NRXN1: variants seen among roughly 807,000 people sequenced by gnomAD.
The protein encoded by NRXN1 is neurexin-1.
In NRXN1, 39 loss-of-function variants were observed where a neutral mutation model predicts 150.9. That is an observed-to-expected ratio of 0.26 (90% CI 0.20 to 0.34). NRXN1 has a LOEUF of 0.34. NRXN1 is among the 10% of genes least tolerant of loss of function. The probability of loss-of-function intolerance (pLI) is 1.00; values close to 1 mark genes in which losing one functional copy is unlikely to be tolerated. For missense variants in NRXN1, 1,815 were observed against 1,949.9 expected, an observed-to-expected ratio of 0.93 and a Z score of 1.30; for synonymous variants, 924 against 757.0, an observed-to-expected ratio of 1.22 and a Z score of -3.62.
At chr2:50,764,808 T>C (rs1382108422) in intron 5 of NRXN1, among the ~76,000 whole-genome samples, 1 of 152,026 alleles carries the variant, frequency 6.6e-6, no homozygotes, top group Non-Finnish European at 1.5e-5. Context: ...GACCACTAAA[T>C]TGCCAAAATG....
chr2:50,483,824 A>T (rs1411336320), intron 15 of NRXN1, among the ~76,000 whole-genome samples: 1 of 152,216 alleles, frequency 6.6e-6, no homozygotes, highest in Non-Finnish European at 1.5e-5. Flanking sequence ...AAATTAAAAG[A>T]GACTGATAAA....
intron 19 of NRXN1, among the ~76,000 whole-genome samples, chr2:50,057,904 A>G (rs1003437399): frequency 2.0e-5 from 3 of 152,264 alleles, no homozygotes; most frequent in Admixed American, 6.5e-5. Context: ...TCAGTTCATT[A>G]TTTGTTTAAT....
intron 18 of NRXN1, among the ~76,000 whole-genome samples, chr2:50,203,041 T>C (rs1212564677): frequency 2.6e-5 from 4 of 152,056 alleles, no homozygotes; most frequent in Non-Finnish European, 5.9e-5. Flanking sequence ...AAAGATCTCC[T>C]GAAGTCTGAG....
chr2:50,692,817 A>T (rs936206968), intron 5 of NRXN1, among the ~76,000 whole-genome samples: 2 of 152,106 alleles, frequency 1.3e-5, no homozygotes, highest in African/African-American at 4.8e-5. Flanking sequence ...TACAACAGGA[A>T]AGCACCCCAT....
intron 5 of NRXN1, among the ~76,000 whole-genome samples, chr2:50,845,227 T>G (rs1673466722): frequency 6.6e-6 from 1 of 152,146 alleles, no homozygotes; most frequent in Non-Finnish European, 1.5e-5. Flanking sequence ...GAGAATCATT[T>G]CAGGCATCAA....
chr2:50,062,349 A>T (rs1045791788), intron 19 of NRXN1, among the ~76,000 whole-genome samples: 1 of 152,160 alleles, frequency 6.6e-6, no homozygotes, highest in African/African-American at 2.4e-5. Context: ...TGATACGAGG[A>T]TACAATGAAA....
intron 5 of NRXN1, among the ~76,000 whole-genome samples, chr2:50,746,561 AC>A (rs1700049049): frequency 3.6e-5 from 1 of 28,066 alleles, no homozygotes; most frequent in African/African-American, 1.2e-4. Context: ...CTGTCTCAAA[AC>A]AACAACAACA....
chr2:50,620,345 G>A (rs561058870), intron 7 of NRXN1, among the ~76,000 whole-genome samples, 162 bp from the exon 8 acceptor site: 7 of 151,746 alleles, frequency 4.6e-5, no homozygotes, highest in East Asian at 1.9e-4. Context: ...GACCTATGAC[G>A]GAACCCATTT....
intron 2 of NRXN1, among the ~76,000 whole-genome samples, chr2:50,953,831 GATTA>G (rs1691827823): frequency 6.6e-6 from 1 of 152,094 alleles, no homozygotes; most frequent in Non-Finnish European, 1.5e-5. Flanking sequence ...AAAGTGTTGA[GATTA>G]AAGGCATGAG....
chr2:49,955,565 A>C (rs1674774070), intron 21 of NRXN1, among the ~76,000 whole-genome samples: 1 of 151,524 alleles, frequency 6.6e-6, no homozygotes, highest in South Asian at 2.1e-4. Flanking sequence ...GATAAAGCCT[A>C]CTCTGTGGAA....
chr2:50,833,518 G>A (rs1483541839), intron 5 of NRXN1, among the ~76,000 whole-genome samples: 1 of 152,130 alleles, frequency 6.6e-6, no homozygotes, highest in African/African-American at 2.4e-5. Context: ...TATCTCAAAG[G>A]TCAAGCTGAC....
intron 5 of NRXN1, among the ~76,000 whole-genome samples, chr2:50,784,453 T>A (rs1704806325): frequency 6.6e-6 from 1 of 151,832 alleles, no homozygotes; most frequent in South Asian, 2.1e-4. Context: ...ATGTGGAGGA[T>A]GTTGCAGGTA....
At position 50,585,660 on chromosome 2, in the gene NRXN1, G is replaced by A. The variant is rs573632684; in HGVS notation, c.1321-32635C>T. Reference sequence around the variant, plus strand: ...ATAAATAGAGGCTATTGAAAATAAAGCAATCAAAATTTTCAAAAGTAATAA... The same window carrying A: ...ATAAATAGAGGCTATTGAAAATAAAACAATCAAAATTTTCAAAAGTAATAA... On this transcript the variant is annotated intron_variant, in intron 8 of 22. Transcript: ENST00000401669. 4.6e-5 allele frequency among the ~76,000 whole-genome samples: 7 copies of A among 152,224 alleles called. No individual in the cohort carries two copies. In the South Asian group the frequency reaches 1.5e-3, roughly 32 times the overall value.
intron 10 of NRXN1, among the ~76,000 whole-genome samples, chr2:50,531,640 C>T (rs375567933): frequency 2.6e-4 from 39 of 152,122 alleles, no homozygotes; most frequent in African/African-American, 8.9e-4. Context: ...TTGCTAAAGC[C>T]CAGAAACAGA....
intron 8 of NRXN1, among the ~76,000 whole-genome samples, chr2:50,598,299 C>T (rs1675577122): frequency 6.6e-6 from 1 of 151,998 alleles, no homozygotes; most frequent in Non-Finnish European, 1.5e-5. Context: ...GGGAAACAGC[C>T]CTTAGAATCA....
intron 8 of NRXN1, among the ~76,000 whole-genome samples, chr2:50,584,195 T>C (rs1672733959): frequency 6.6e-6 from 1 of 152,190 alleles, no homozygotes; most frequent in Non-Finnish European, 1.5e-5. Context: ...TCCCCAAAGA[T>C]AATGGGTTCA....
chr2:50,084,739 T>A (rs1457859178), intron 19 of NRXN1, among the ~76,000 whole-genome samples: 1 of 151,786 alleles, frequency 6.6e-6, no homozygotes, highest in East Asian at 1.9e-4. Context: ...GAGGGAGGGC[T>A]GCTAGCACGC....
At chr2:50,929,554 T>C (rs998124370) in intron 2 of NRXN1, among the ~76,000 whole-genome samples, 5 of 152,004 alleles carry the variant, frequency 3.3e-5, no homozygotes, top group Non-Finnish European at 7.4e-5. Flanking sequence ...CTCTCCTCCA[T>C]CAAAACTGCC....
At chr2:50,521,516 C>T (rs1364704986) in intron 12 of NRXN1, among the ~76,000 whole-genome samples, 1 of 152,078 alleles carries the variant, frequency 6.6e-6, no homozygotes, top group Non-Finnish European at 1.5e-5. Flanking sequence ...ATCCATCTTG[C>T]TTTTTGCTCA....
Sources: gnomAD v4.1 joint callset for allele counts (sites outside exome capture counted in the v4.1 genomes callset) on GRCh38, gnomAD v4.1.1 for gene constraint, MANE v1.5 for transcripts, NCBI Gene and HGNC (gene_info 2026-07-23, HGNC 2026-07-21) for gene names.